NUCKS1: variants seen among roughly 807,000 people sequenced by gnomAD.
NUCKS1 encodes the protein nuclear ubiquitous casein and cyclin-dependent kinase substrate 1.
NUCKS1 carries 2 observed loss-of-function variants against 33.0 expected under a neutral mutation model. That is an observed-to-expected ratio of 0.06 (90% CI 0.02 to 0.19). The LOEUF (loss-of-function observed/expected upper bound fraction) is 0.19, where lower values mean the gene tolerates loss of function less well. NUCKS1 is among the 10% of genes least tolerant of loss of function. NUCKS1 has a pLI of 1.00. For synonymous variants in NUCKS1, 106 were observed against 102.8 expected, an observed-to-expected ratio of 1.03 and a Z score of -0.19; for missense variants, 201 against 293.6, an observed-to-expected ratio of 0.68 and a Z score of 2.31.
chr1:205,738,089 G>T (rs2102443651), intron 1 of NUCKS1, among the ~76,000 whole-genome samples: 1 of 152,024 alleles, frequency 6.6e-6, no homozygotes, highest in South Asian at 2.1e-4. Context: ...GCAGTGGCGT[G>T]ATCTCGGCTC....
Position 205,750,031 on chromosome 1 carries a change from CGCGCGCTCGGCGCCCCA to C in NUCKS1, c.-75_-59del. 5.4e-5 allele frequency: 60 copies of C among 1,115,896 alleles called. No homozygotes were observed. Among genetic ancestry groups the C allele is most frequent in the South Asian group, 2.4e-4 (17 of 71,838 alleles). 69.1% of individuals were successfully genotyped at this position (1,115,896 alleles called of 1,614,324 possible). On this transcript the variant is annotated 5_prime_UTR_variant, in exon 1 of 7. Transcript: ENST00000367142. Reference sequence around the variant, plus strand: ...CCAAAGACCAGGACCCCCCCCACCCCGCGCGCTCGGCGCCCCACCCCCCCCGAACTTCAGCCGATGGG... The same window carrying C: ...CCAAAGACCAGGACCCCCCCCACCCCCCCCCCCCGAACTTCAGCCGATGGG...
At chr1:205,746,447 T>TCACACA (rs1453790587) in intron 1 of NUCKS1, among the ~76,000 whole-genome samples, 14 of 88,734 alleles carry the variant, frequency 1.6e-4, no homozygotes, top group African/African-American at 3.2e-4. Flanking sequence ...TCTCTCTCTC[T>TCACACA]CTCTCTCACA....
intron 1 of NUCKS1, among the ~76,000 whole-genome samples, chr1:205,740,893 AG>A (rs1049665820): frequency 7.2e-5 from 11 of 151,816 alleles, no homozygotes; most frequent in Non-Finnish European, 1.0e-4. Context: ...TTAATGGTTT[AG>A]CCCCATGAAC....
At chr1:205,737,468 G>C (rs369048270) in intron 1 of NUCKS1, among the ~76,000 whole-genome samples, 3 of 152,176 alleles carry the variant, frequency 2.0e-5, no homozygotes, top group African/African-American at 7.2e-5. Context: ...AGGCAACAGT[G>C]CAAACAGTCT....
chr1:205,739,240 G>GCC (rs776740775), intron 1 of NUCKS1, among the ~76,000 whole-genome samples: 14 of 152,208 alleles, frequency 9.2e-5, no homozygotes, highest in Non-Finnish European at 2.1e-4. Flanking sequence ...ACATGCTACT[G>GCC]TTGATGCAGC....
intron 1 of NUCKS1, among the ~76,000 whole-genome samples, chr1:205,747,704 A>G (rs1654365880): frequency 6.6e-6 from 1 of 152,232 alleles, no homozygotes; most frequent in South Asian, 2.1e-4. Flanking sequence ...TTTGTTTTTA[A>G]AACAAGGCTG....
At chr1:205,723,835 C>T in intron 4 of NUCKS1, 91 bp downstream of exon 4, 1 of 889,450 alleles carries the variant, frequency 1.1e-6, no homozygotes, top group East Asian at 2.7e-5. Flanking sequence ...AGATTTGCAA[C>T]AGTGCCTGGC....
At chr1:205,749,909 G>C in intron 1 of NUCKS1, 48 bp downstream of exon 1, 1 of 1,577,062 alleles carries the variant, frequency 6.3e-7, no homozygotes, top group South Asian at 1.1e-5. Context: ...TTCACCACTC[G>C]CCCCCATCCC....
At chr1:205,732,727 G>A (rs189638566) in intron 1 of NUCKS1, among the ~76,000 whole-genome samples, 1 of 129,908 alleles carries the variant, frequency 7.7e-6, no homozygotes, top group Non-Finnish European at 1.6e-5. Context: ...GTTGCAGTGA[G>A]CAGGGATCGC....
At chr1:205,746,244 G>C (rs1407323534) in intron 1 of NUCKS1, among the ~76,000 whole-genome samples, 2 of 152,058 alleles carry the variant, frequency 1.3e-5, no homozygotes, top group African/African-American at 2.4e-5. Context: ...GCAATGAGCC[G>C]AGATTGCACC....
intron 1 of NUCKS1, among the ~76,000 whole-genome samples, chr1:205,736,404 T>C (rs571724863): frequency 6.6e-6 from 1 of 152,170 alleles, no homozygotes; most frequent in African/African-American, 2.4e-5. Context: ...GAGAGTATTA[T>C]ATGTAGTAGA....
chr1:205,747,237 C>T (rs1239982947), intron 1 of NUCKS1, among the ~76,000 whole-genome samples: 1 of 152,144 alleles, frequency 6.6e-6, no homozygotes. Context: ...CCTGCTAGTT[C>T]GTGATGCAAG....
chr1:205,730,779 G>A (rs1246945706), intron 1 of NUCKS1, among the ~76,000 whole-genome samples: 2 of 152,040 alleles, frequency 1.3e-5, no homozygotes, highest in Admixed American at 6.6e-5. Flanking sequence ...CACCGTGCCC[G>A]GTCTCAAATA....
At position 205,722,684 on chromosome 1, in the gene NUCKS1, T is replaced by G. The variant is rs940964201; in HGVS notation, c.229+1242A>C. Among the ~76,000 whole-genome samples, 7 of 152,328 alleles carry G rather than the reference T, an allele frequency of 4.6e-5. No homozygotes were observed. The East Asian group carries it at 1.3e-3, about 29-fold the overall frequency. On this transcript the variant is annotated intron_variant, in intron 4 of 6. Coordinates refer to ENST00000367142, the MANE Select transcript of NUCKS1 (RefSeq NM_022731.5). ...CTGGGATGGCGGGTGGGAGCCACCA[T>G]GCTCAGCCTAAAAAAAATTTTTTTA...
In NUCKS1 at chr1:205,717,501, T is replaced by C; in HGVS notation, c.*779A>G. ...AAGAGTTTTGGCAGCCCCTGCTTTT[T>C]TTTTTTTTTTAGCTCCCTAAAGACT... On this transcript the variant is annotated 3_prime_UTR_variant, in exon 7 of 7. Transcript: ENST00000367142. 4.1e-6 allele frequency: 4 copies of C among 982,736 alleles called. No homozygotes were observed. The highest frequency in any genetic ancestry group is 4.8e-6 in the Non-Finnish European group (4 of 827,670). The allele number at this position is 982,736 out of a possible 1,614,324, so 60.9% of individuals were successfully genotyped here.
chr1:205,727,216 AG>A (rs1653801866), intron 3 of NUCKS1, among the ~76,000 whole-genome samples: 1 of 152,022 alleles, frequency 6.6e-6, no homozygotes, highest in Admixed American at 6.6e-5. Context: ...CCTCCTACCT[AG>A]GCCTCCCAAA....
intron 1 of NUCKS1, among the ~76,000 whole-genome samples, chr1:205,734,304 A>G (rs1653983263): frequency 6.6e-6 from 1 of 152,214 alleles, no homozygotes; most frequent in Admixed American, 6.6e-5. Flanking sequence ...GGCATTATAT[A>G]AACAATTAAA....
chr1:205,736,849 T>C (rs1444623298), intron 1 of NUCKS1, among the ~76,000 whole-genome samples: 1 of 150,506 alleles, frequency 6.6e-6, no homozygotes, highest in Non-Finnish European at 1.5e-5. Context: ...AAAAAAAAAT[T>C]CCAATAATTA....
At chr1:205,741,720 C>T (rs112452415) in intron 1 of NUCKS1, among the ~76,000 whole-genome samples, 2,352 of 152,234 alleles carry the variant, frequency 0.015, 62 homozygotes, top group African/African-American at 0.054. Flanking sequence ...TCTTGATAGA[C>T]TATAAGCACA....
Sources: gnomAD v4.1 joint callset for allele counts (sites outside exome capture counted in the v4.1 genomes callset) on GRCh38, gnomAD v4.1.1 for gene constraint, MANE v1.5 for transcripts, NCBI Gene and HGNC (gene_info 2026-07-23, HGNC 2026-07-21) for gene names.